FRYL: variants seen among roughly 807,000 people sequenced by gnomAD.
FRYL encodes the protein protein furry homolog-like.
A neutral mutation model predicts 351.2 loss-of-function variants in FRYL; 150 were observed. The observed-to-expected ratio is 0.43, with a 90% CI of 0.37 to 0.49. FRYL has a LOEUF of 0.49. Ranked by LOEUF, FRYL falls within the 20% of genes least tolerant of loss-of-function variation. The pLI, the probability that FRYL is intolerant of heterozygous loss-of-function variation, is 0.00. For missense variants in FRYL, 3,036 were observed against 3,619.3 expected (o/e 0.84, Z 4.13); for synonymous variants, 1,153 against 1,257.1 (o/e 0.92, Z 1.75).
chr4:48,563,071 A>C (rs1055325984), intron 31 of FRYL, 83 bp from the exon 32 acceptor site: 49 of 906,304 alleles, frequency 5.4e-5, no homozygotes, highest in Non-Finnish European at 7.6e-5. Context: ...TGCAAAGGGC[A>C]AGGCTTATAG....
intron 18 of FRYL, among the ~76,000 whole-genome samples, chr4:48,587,525 G>A (rs951670781): frequency 2.6e-5 from 4 of 151,862 alleles, no homozygotes; most frequent in African/African-American, 9.6e-5. Context: ...TATTCTCAGT[G>A]TTTTGGGTTT....
In FRYL at chr4:48,552,718, T is replaced by C. The variant is rs188326732; in HGVS notation, c.4435+497A>G. ...GCATTATTAGACATCTCCTGGAAAA[T>C]AAAACAAAAGGACTAGGTGATGAAA... On this transcript the variant is annotated intron_variant, in intron 36 of 63. Transcript: ENST00000358350. 3.3e-3 allele frequency among the ~76,000 whole-genome samples: 496 copies of C among 152,022 alleles called. 2 individuals carry two copies. Among genetic ancestry groups the C allele is most frequent in the Non-Finnish European group, 6.4e-3 (435 of 67,948 alleles).
chr4:48,550,425 T>A (rs1732447599), intron 38 of FRYL, 167 bp downstream of exon 38: 2 of 563,514 alleles, frequency 3.5e-6, no homozygotes, highest in Non-Finnish European at 6.2e-6. Flanking sequence ...CCCAATTACG[T>A]TGCTTCTTAA....
At chr4:48,680,511 T>G (rs558911790) in intron 3 of FRYL, among the ~76,000 whole-genome samples, 10 of 151,936 alleles carry the variant, frequency 6.6e-5, no homozygotes, top group South Asian at 2.1e-4. Context: ...GATTTAACTT[T>G]TTAATATTTC....
intron 1 of FRYL, among the ~76,000 whole-genome samples, chr4:48,779,369 G>A (rs559574852): frequency 6.6e-6 from 1 of 152,328 alleles, no homozygotes; most frequent in Non-Finnish European, 1.5e-5. Flanking sequence ...TCCGGCTCCG[G>A]AAGACTCCGG....
chr4:48,733,036 G>C (rs563094841), intron 1 of FRYL, among the ~76,000 whole-genome samples: 1 of 152,162 alleles, frequency 6.6e-6, no homozygotes, highest in Non-Finnish European at 1.5e-5. Context: ...AGCACTTTGG[G>C]AGGCCAAGAC....
chr4:48,720,479 C>A (rs1385984970), intron 1 of FRYL, among the ~76,000 whole-genome samples: 1 of 152,016 alleles, frequency 6.6e-6, no homozygotes, highest in Non-Finnish European at 1.5e-5. Flanking sequence ...GCCTGGGCAA[C>A]AGAGCAAGAC....
chr4:48,670,762 G>T (rs1438813391), intron 3 of FRYL, among the ~76,000 whole-genome samples: 1 of 152,070 alleles, frequency 6.6e-6, no homozygotes, highest in East Asian at 1.9e-4. Context: ...CCATGTTGCT[G>T]CAAGTGACAG....
At chr4:48,554,119 A>G (rs189123883) in intron 35 of FRYL, among the ~76,000 whole-genome samples, 1 of 152,306 alleles carries the variant, frequency 6.6e-6, no homozygotes. Context: ...TTCATAACTG[A>G]TCAGCCTATC....
In FRYL at chr4:48,531,370, T is replaced by C; in HGVS notation, c.6706-17A>G. On this transcript the variant is annotated splice_polypyrimidine_tract_variant and intron_variant, in intron 49 of 63. Coordinates refer to ENST00000358350, the MANE Select transcript of FRYL (RefSeq NM_015030.2). ...GTAAGGACTCTGGTTTAAAAAATAA[T>C]TGACACGTAAAAGTTACAAATGCAC... is the stretch of plus-strand genomic sequence containing the variant. 6.4e-7 allele frequency: 1 copy of C among 1,571,070 alleles called. No homozygotes were observed. Among genetic ancestry groups the C allele is most frequent in the Non-Finnish European group, 8.7e-7 (1 of 1,142,962 alleles).
At chr4:48,531,376 C>A in intron 49 of FRYL, 23 bp from the exon 50 acceptor site, 3 of 1,524,116 alleles carry the variant, frequency 2.0e-6, no homozygotes, top group Non-Finnish European at 1.8e-6. Flanking sequence ...ATAATTGACA[C>A]GTAAAAGTTA....
chr4:48,689,083 A>G (rs1765447846), intron 2 of FRYL, among the ~76,000 whole-genome samples: 2 of 152,242 alleles, frequency 1.3e-5, no homozygotes, highest in Non-Finnish European at 2.9e-5. Context: ...ATACTCAGCC[A>G]TAATATTTGG....
At chr4:48,597,617 G>A (rs1304947176) in intron 13 of FRYL, among the ~76,000 whole-genome samples, 4 of 151,840 alleles carry the variant, frequency 2.6e-5, no homozygotes, top group Non-Finnish European at 4.4e-5. Context: ...TTAGTTTTTA[G>A]GTACACATGA....
intron 7 of FRYL, 121 bp from the exon 8 acceptor site, chr4:48,609,944 G>C: frequency 2.1e-6 from 1 of 469,918 alleles, no homozygotes; most frequent in Non-Finnish European, 3.8e-6. Context: ...TTACTAATCT[G>C]TCAATCTTCC....
Position 48,579,231 on chromosome 4 carries a change from A to G in FRYL, c.2270T>C (p.Leu757Pro). Residue 757 changes from leucine (L) to proline (P), a missense_variant, in exon 23 of 64, where the codon CTC becomes CCC. Around this residue, in one of 7 missense-constraint regions of FRYL, gnomAD observed 492 missense variants for 551.5 expected, o/e 0.89. Coordinates refer to ENST00000358350, the MANE Select transcript of FRYL (RefSeq NM_015030.2). ...HLTGADQTTL[L>P]YCPSSIDLQT... ...TAAATCTATCGAGCTAGGGCAATAGAGCAAAGTAGTCTATATGGAGAGGAA... is the reference window on the plus strand; with the variant it reads ...TAAATCTATCGAGCTAGGGCAATAGGGCAAAGTAGTCTATATGGAGAGGAA... The G allele has an allele frequency of 6.2e-7, 1 of 1,609,522 alleles. No homozygotes were observed. The highest frequency in any genetic ancestry group is 8.5e-7 in the Non-Finnish European group (1 of 1,178,188).
intron 3 of FRYL, among the ~76,000 whole-genome samples, chr4:48,683,463 T>C (rs1343072815): frequency 2.6e-5 from 4 of 151,936 alleles, no homozygotes; most frequent in African/African-American, 9.7e-5. Flanking sequence ...GGTTCTGAAT[T>C]ACTTCGTTTT....
intron 1 of FRYL, among the ~76,000 whole-genome samples, chr4:48,711,471 C>T (rs1184347862): frequency 3.3e-5 from 5 of 152,252 alleles, no homozygotes; most frequent in Non-Finnish European, 5.9e-5. Flanking sequence ...GCTAGCACAG[C>T]AGTCTGAGAT....
At chr4:48,595,559 A>G (rs771576144) in intron 15 of FRYL, 31 bp downstream of exon 15, 6 of 1,251,408 alleles carry the variant, frequency 4.8e-6, no homozygotes, top group Non-Finnish European at 6.8e-6. Context: ...AACAATTTAT[A>G]TACATACATA....
At chr4:48,753,161 G>A (rs1197567807) in intron 1 of FRYL, among the ~76,000 whole-genome samples, 2 of 152,110 alleles carry the variant, frequency 1.3e-5, no homozygotes, top group Non-Finnish European at 2.9e-5. Flanking sequence ...ATTGGCACAG[G>A]ATCATGACAT....
Sources: allele counts gnomAD v4.1 joint callset (sites outside exome capture counted in the v4.1 genomes callset), GRCh38; gene constraint gnomAD v4.1.1; regional missense constraint gnomAD v4.1.1; transcripts MANE v1.5; gene names NCBI Gene and HGNC (gene_info 2026-07-23, HGNC 2026-07-21).